Variants in GSDMD observed in about 807,000 individuals in gnomAD.
GSDMD encodes the protein gasdermin D, also known as gasdermin-D.
A neutral mutation model predicts 46.7 loss-of-function variants in GSDMD; 46 were observed. The observed-to-expected ratio is 0.99, with a 90% CI of 0.78 to 1.26. The LOEUF (loss-of-function observed/expected upper bound fraction) is 1.26, where lower values mean the gene tolerates loss of function less well. Among genes scored for constraint, GSDMD ranks in the 50% most tolerant of loss-of-function variants. The pLI is 0.00. For missense variants in GSDMD, 649 were observed against 638.8 expected, an observed-to-expected ratio of 1.02 and a Z score of -0.17; for synonymous variants, 307 against 283.1, an observed-to-expected ratio of 1.08 and a Z score of -0.85.
At chr8:143,558,217 A>G, upstream of GSDMD, 1 of 1,149,772 alleles carries the variant, frequency 8.7e-7, no homozygotes. Flanking sequence ...GCGCCAAGCC[A>G]AGGTTCCTCC....
chr8:143,561,966 C>T lies in GSDMD; in HGVS notation c.831C>T (p.Val277=), dbSNP rs1237286250. The stretch of plus-strand genomic sequence containing the variant: ...GCCCTTCTGTCCCTACAGATGGGGT[C>T]CCTGCGGAGGGGGCGTTCACTGAAG... ...RCLHNFLTDG[V]PAEGAFTEDF... is the part of the protein sequence containing the mutation. The change falls in exon 8 of 11, where the codon GTC becomes GTT. Residue 277 remains valine (V), a synonymous_variant. Transcript: ENST00000262580. 6.2e-7 allele frequency: 1 copy of T among 1,608,570 alleles called. No individual in the cohort carries two copies. The highest frequency in any genetic ancestry group is 1.3e-5 in the African/African-American group (1 of 74,840).
At chr8:143,558,201 G>A (rs1052354922), upstream of GSDMD, 5 of 914,040 alleles carry the variant, frequency 5.5e-6, no homozygotes, top group Admixed American at 6.4e-5. Context: ...AGGCTACCAG[G>A]ATGGGGCGCC....
chr8:143,558,254 G>A (rs1000871136), upstream of GSDMD: 126 of 1,417,462 alleles, frequency 8.9e-5, 1 homozygote, highest in South Asian at 1.5e-3. Context: ...TGCTCCAGGC[G>A]GGCTGGCGGG....
chr8:143,561,177 GC>G (rs1823451842), intron 5 of GSDMD, 73 bp downstream of exon 5: 3 of 1,434,518 alleles, frequency 2.1e-6, no homozygotes, highest in Non-Finnish European at 2.9e-6. Flanking sequence ...AGAGCTACCC[GC>G]CAGCTTGGGC....
intron 3 of GSDMD, chr8:143,560,355 G>C (rs1466554469): frequency 1.5e-6 from 1 of 666,170 alleles, no homozygotes; most frequent in African/African-American, 1.8e-5. Context: ...GACAAGGGGT[G>C]GTGTGAACAC....
rs1357046926 is a variant in GSDMD at position 143,559,559 on chromosome 8, G to C, written c.217+7G>C. 1 of 1,610,602 alleles carries C rather than the reference G, an allele frequency of 6.2e-7. No homozygotes were observed. Among genetic ancestry groups the C allele is most frequent in the East Asian group, 2.2e-5 (1 of 44,886 alleles). ...CCGGATGCCGCGGAACCAGGTGCCTGATGTGGTGCTGAGGCAGAGCCCCAG... is the reference window on the plus strand; with the variant it reads ...CCGGATGCCGCGGAACCAGGTGCCTCATGTGGTGCTGAGGCAGAGCCCCAG... On this transcript the variant is annotated splice_region_variant and intron_variant, in intron 2 of 10. Transcript: ENST00000262580.
chr8:143,557,419 G>GACGACGGAT (rs1447642406), upstream of GSDMD, among the ~76,000 whole-genome samples: 77 of 152,160 alleles, frequency 5.1e-4, no homozygotes, highest in African/African-American at 1.6e-3. Flanking sequence ...CTGCCGCTGT[G>GACGACGGAT]GCGAAGGATG....
rs766625613 is a variant in GSDMD at position 143,561,800 on chromosome 8, G to C, written c.795G>C (p.Met265Ile). 3 of 1,610,712 alleles carry C rather than the reference G, an allele frequency of 1.9e-6. No individual in the cohort carries two copies. The highest frequency in any genetic ancestry group is 1.7e-6 in the Non-Finnish European group (2 of 1,178,948). ...CACAGCTGCCCTCTGGCCTCTCCAT[G>C]ATGAGGTGCCTCCACAACTTCCTGA... ...AWPQLPSGLSMMRCLHNFLTD... is the reference protein window; with the variant it reads ...AWPQLPSGLSIMRCLHNFLTD... The change falls in exon 7 of 11, where the codon ATG becomes ATC. Residue 265 changes from methionine to isoleucine, a missense_variant. Met to Ile is a conservative substitution (Grantham distance 10). Transcript: ENST00000262580.
upstream of GSDMD, among the ~76,000 whole-genome samples, chr8:143,557,499 C>G (rs1823336822): frequency 6.7e-6 from 1 of 150,196 alleles, no homozygotes; most frequent in Non-Finnish European, 1.5e-5. Context: ...GATGCTGCCA[C>G]TATGGCGAAG....
At position 143,562,198 on chromosome 8, in the gene GSDMD, C is replaced by G; in HGVS notation, c.997-11C>G. 9 of 1,585,144 alleles carry G rather than the reference C, an allele frequency of 5.7e-6. No homozygotes were observed. The highest frequency in any genetic ancestry group is 7.7e-6 in the Non-Finnish European group (9 of 1,172,274). On this transcript the variant is annotated splice_polypyrimidine_tract_variant and intron_variant, in intron 8 of 10. Transcript: ENST00000262580. The stretch of plus-strand genomic sequence containing the variant: ...GCCAGCCAGACTCACCTGCCCTTCC[C>G]GTGCCCACAGCTGGAGCAGGGCCAG...
At chr8:143,555,218 A>T (rs143903764), upstream of GSDMD, 100 of 152,388 alleles carry the variant, frequency 6.6e-4, no homozygotes, top group African/African-American at 2.4e-3. Context: ...CATTTGTTGG[A>T]TGAATGAGTG....
At position 143,561,119 on chromosome 8, in the gene GSDMD, G is replaced by C. The variant is rs376738151; in HGVS notation, c.682+15G>C. 8 of 1,605,928 alleles carry C rather than the reference G, an allele frequency of 5.0e-6. No homozygotes were observed. The highest frequency in any genetic ancestry group is 2.2e-5 in the East Asian group (1 of 44,740). The stretch of plus-strand genomic sequence containing the variant: ...CTCTGACTTGGGTGAGCTGGAGTTG[G>C]GGGTGTCTCGGGCCCAGGCCCTGGC... On this transcript the variant is annotated intron_variant, in intron 5 of 10. Coordinates refer to ENST00000262580, the MANE Select transcript of GSDMD (RefSeq NM_024736.7).
chr8:143,557,813 C>G, upstream of GSDMD: 1 of 336,094 alleles, frequency 3.0e-6, no homozygotes. Flanking sequence ...AGCATCTTTG[C>G]ATTTGCTTGA....
chr8:143,559,908 T>A lies in GSDMD; in HGVS notation c.349T>A (p.Ser117Thr). The change falls in exon 3 of 11, where the codon TCA becomes ACA. Residue 117 changes from serine (S) to threonine (T), a missense_variant. Coordinates refer to ENST00000262580, the MANE Select transcript of GSDMD (RefSeq NM_024736.7). ...CGCGGTGTCTGACAGCTCCAGCACC[T>A]CAATGAATGTGTACTCGCTGAGTGT... ...GAAVSDSSSTSMNVYSLSVDP... is the reference protein window; with the variant it reads ...GAAVSDSSSTTMNVYSLSVDP... 1.2e-6 allele frequency: 2 copies of A among 1,612,784 alleles called. No individual in the cohort carries two copies. Among genetic ancestry groups the A allele is most frequent in the African/African-American group, 1.3e-5 (1 of 75,036 alleles).
intron 1 of GSDMD, chr8:143,558,973 T>G: frequency 1.8e-6 from 1 of 569,272 alleles, no homozygotes; most frequent in Non-Finnish European, 3.3e-6. Context: ...CTGGCTGGGT[T>G]TTGCAGTGGG....
chr8:143,558,301 G>T, upstream of GSDMD: 1 of 1,510,522 alleles, frequency 6.6e-7, no homozygotes. Flanking sequence ...CGGGCTCTCC[G>T]GGACGGTTCC....
chr8:143,553,970 C>G (rs551008230), upstream of GSDMD, among the ~76,000 whole-genome samples: 3 of 123,760 alleles, frequency 2.4e-5, no homozygotes, highest in South Asian at 8.0e-4. Context: ...CTCTTCACAC[C>G]CCTGCTGGAG....
intron 4 of GSDMD, 114 bp downstream of exon 4, chr8:143,560,885 C>T (rs1246254263): frequency 2.7e-5 from 38 of 1,426,762 alleles, no homozygotes; most frequent in Non-Finnish European, 3.4e-5. Context: ...CCCAGCCCTG[C>T]GCTTGGCTGC....
chr8:143,561,725 C>T lies in GSDMD; in HGVS notation c.737-17C>T. The T allele has an allele frequency of 6.3e-7, 1 of 1,595,294 alleles. No homozygotes were observed. The highest frequency in any genetic ancestry group is 1.9e-4 in the Middle Eastern group (1 of 5,258). ...CCCCGGCACTGACCAGCCCTGCCCTCCCATGCCCCTGCCCAGGCCACAAGC... is the reference window on the plus strand; with the variant it reads ...CCCCGGCACTGACCAGCCCTGCCCTTCCATGCCCCTGCCCAGGCCACAAGC... On this transcript the variant is annotated splice_polypyrimidine_tract_variant and intron_variant, in intron 6 of 10. Coordinates refer to ENST00000262580, the MANE Select transcript of GSDMD (RefSeq NM_024736.7).
Sources: gnomAD v4.1 joint callset for allele counts (sites outside exome capture counted in the v4.1 genomes callset) on GRCh38, gnomAD v4.1.1 for gene constraint, MANE v1.5 for transcripts, NCBI Gene and HGNC (gene_info 2026-07-23, HGNC 2026-07-21) for gene names.